Variants in ATCAY observed in about 807,000 individuals in gnomAD.
ATCAY encodes ATCAY kinesin light chain interacting caytaxin, also known as caytaxin.
Under a neutral mutation model 47.7 loss-of-function variants are expected in ATCAY, and 22 were observed. The ratio of observed to expected loss-of-function variants is 0.46; its 90% confidence interval spans 0.33 to 0.66. The LOEUF (loss-of-function observed/expected upper bound fraction) is 0.66. ATCAY is among the 30% of genes least tolerant of loss of function. The pLI, the probability that ATCAY is intolerant of heterozygous loss-of-function variation, is 0.02. For synonymous variants in ATCAY, 216 were observed against 207.6 expected, an observed-to-expected ratio of 1.04 and a Z score of -0.35; for missense variants, 452 against 515.0, an observed-to-expected ratio of 0.88 and a Z score of 1.18.
intron 12 of ATCAY, among the ~76,000 whole-genome samples, chr19:3,921,240 G>A (rs1041952135): frequency 6.6e-6 from 1 of 151,840 alleles, no homozygotes; most frequent in Non-Finnish European, 1.5e-5. Context: ...GCCGGGCGCA[G>A]CGTCTCACGC....
chr19:3,921,467 C>G (rs2039019103), intron 12 of ATCAY, among the ~76,000 whole-genome samples: 1 of 152,074 alleles, frequency 6.6e-6, no homozygotes, highest in South Asian at 2.1e-4. Flanking sequence ...AGAAAAGCCT[C>G]CCTGTGTGTT....
chr19:3,891,912 CAG>C, intron 2 of ATCAY, among the ~76,000 whole-genome samples: 1 of 152,140 alleles, frequency 6.6e-6, no homozygotes, highest in East Asian at 1.9e-4. Context: ...TTATTTGAAA[CAG>C]AGTCTCGCTG....
At chr19:3,893,558 C>A (rs1307038052) in intron 2 of ATCAY, 2 of 152,086 alleles carry the variant, frequency 1.3e-5, no homozygotes, top group Non-Finnish European at 1.5e-5. Flanking sequence ...ATATATTATA[C>A]CCCAGGGCCA....
At chr19:3,893,894 C>A (rs964323212) in intron 2 of ATCAY, among the ~76,000 whole-genome samples, 1 of 152,058 alleles carries the variant, frequency 6.6e-6, no homozygotes, top group Non-Finnish European at 1.5e-5. Flanking sequence ...TCCTCCCCCA[C>A]TGCTCTCTCT....
At chr19:3,883,380 T>G (rs961937787) in intron 1 of ATCAY, among the ~76,000 whole-genome samples, 32 of 152,102 alleles carry the variant, frequency 2.1e-4, no homozygotes, top group Admixed American at 1.2e-3. Flanking sequence ...ATCTAGCTAC[T>G]CGGAAGCTGT....
At chr19:3,911,878 T>C (rs2038925180) in intron 8 of ATCAY, among the ~76,000 whole-genome samples, 2 of 152,194 alleles carry the variant, frequency 1.3e-5, no homozygotes, top group African/African-American at 4.8e-5. Context: ...AGGAAGACTC[T>C]TTAAACATGC....
chr19:3,915,955 G>A (rs1322609344), intron 9 of ATCAY, among the ~76,000 whole-genome samples: 2 of 151,962 alleles, frequency 1.3e-5, no homozygotes, highest in Non-Finnish European at 2.9e-5. Context: ...CTCACAAAGT[G>A]CTGGGATTAC....
intron 11 of ATCAY, among the ~76,000 whole-genome samples, chr19:3,919,345 G>A (rs1252454073): frequency 2.0e-5 from 3 of 151,642 alleles, no homozygotes; most frequent in Non-Finnish European, 4.4e-5. Flanking sequence ...TGTAATCCCA[G>A]TAGTTTGGGA....
intron 2 of ATCAY, among the ~76,000 whole-genome samples, chr19:3,890,162 T>C (rs1448599523): frequency 6.6e-6 from 1 of 150,438 alleles, no homozygotes; most frequent in Non-Finnish European, 1.5e-5. Context: ...CAGGCTGGTC[T>C]CGAACTCTCA....
In ATCAY at chr19:3,887,868, G is replaced by A. The variant is rs1348648722; in HGVS notation, c.77+2024G>A. On this transcript the variant is annotated intron_variant, in intron 2 of 12. Transcript: ENST00000450849. ...AGGTGTGTGTAATCCCAGCACTTTGGGAGGCCAAGGTGGGCAGATCACAAG... is the reference window on the plus strand; with the variant it reads ...AGGTGTGTGTAATCCCAGCACTTTGAGAGGCCAAGGTGGGCAGATCACAAG... 5.9e-5 allele frequency among the ~76,000 whole-genome samples: 9 copies of A among 151,388 alleles called. No homozygotes were observed. The South Asian group carries it at 1.9e-3, about 32-fold the overall frequency.
chr19:3,904,936 T>C (rs2038847069), intron 3 of ATCAY, among the ~76,000 whole-genome samples: 1 of 152,170 alleles, frequency 6.6e-6, no homozygotes, highest in African/African-American at 2.4e-5. Context: ...CTTGGCTCAC[T>C]GTAACCTCCG....
At chr19:3,901,450 A>G (rs1460811562) in intron 2 of ATCAY, among the ~76,000 whole-genome samples, 1 of 152,054 alleles carries the variant, frequency 6.6e-6, no homozygotes, top group African/African-American at 2.4e-5. Flanking sequence ...GGTTTTATCT[A>G]TTTATTTATT....
chr19:3,893,555 A>T (rs929158819), intron 2 of ATCAY: 1 of 152,008 alleles, frequency 6.6e-6, no homozygotes, highest in African/African-American at 2.4e-5. Flanking sequence ...TGGATATATT[A>T]TACCCCAGGG....
At chr19:3,921,173 C>G (rs1349306201) in intron 12 of ATCAY, among the ~76,000 whole-genome samples, 2 of 152,166 alleles carry the variant, frequency 1.3e-5, no homozygotes, top group Non-Finnish European at 2.9e-5. Flanking sequence ...GTAGACTGTC[C>G]ACGCTCTGCC....
chr19:3,889,789 C>T (rs1281003394), intron 2 of ATCAY, among the ~76,000 whole-genome samples: 5 of 152,042 alleles, frequency 3.3e-5, no homozygotes, highest in Admixed American at 6.6e-5. Flanking sequence ...AATAATCTCT[C>T]GCGCACCAGG....
At chr19:3,897,934 T>TA (rs2145234133) in intron 2 of ATCAY, among the ~76,000 whole-genome samples, 1 of 152,068 alleles carries the variant, frequency 6.6e-6, no homozygotes, top group African/African-American at 2.4e-5. Context: ...AAATAAAATT[T>TA]AAAAAATATA....
chr19:3,914,451 A>T (rs905567397), intron 9 of ATCAY, among the ~76,000 whole-genome samples: 2 of 151,734 alleles, frequency 1.3e-5, no homozygotes, highest in Non-Finnish European at 2.9e-5. Flanking sequence ...TGATTCAGTG[A>T]CCTCCCACCA....
At chr19:3,893,334 C>T (rs1264261980) in intron 2 of ATCAY, among the ~76,000 whole-genome samples, 1 of 152,110 alleles carries the variant, frequency 6.6e-6, no homozygotes, top group Non-Finnish European at 1.5e-5. Flanking sequence ...CATGTGCCAC[C>T]ATGCCAGGCT....
intron 3 of ATCAY, among the ~76,000 whole-genome samples, chr19:3,904,770 C>T (rs2145242836): frequency 6.6e-6 from 1 of 152,214 alleles, no homozygotes; most frequent in South Asian, 2.1e-4. Flanking sequence ...TGAGTGGAGA[C>T]AGGAGGGTGA....
Sources: gnomAD v4.1 joint callset for allele counts (sites outside exome capture counted in the v4.1 genomes callset) on GRCh38, gnomAD v4.1.1 for gene constraint, MANE v1.5 for transcripts, NCBI Gene and HGNC (gene_info 2026-07-23, HGNC 2026-07-21) for gene names.